SLC8A1: variants seen among roughly 807,000 people sequenced by gnomAD.
The protein encoded by SLC8A1 is solute carrier family 8 member A1.
In SLC8A1, 18 loss-of-function variants were observed where a neutral mutation model predicts 68.3. That is an observed-to-expected ratio of 0.26 (90% CI 0.18 to 0.39). The LOEUF (loss-of-function observed/expected upper bound fraction) is 0.39, where lower values mean the gene tolerates loss of function less well. Ranked by LOEUF, SLC8A1 falls within the 10% of genes least tolerant of loss-of-function variation. The pLI is 1.00. For synonymous variants in SLC8A1, 475 were observed against 415.5 expected (o/e 1.14, Z -1.74); for missense variants, 985 against 1,156.7 (o/e 0.85, Z 2.15).
intron 2 of SLC8A1, among the ~76,000 whole-genome samples, chr2:40,283,944 T>A (rs1269903503): frequency 2.0e-5 from 3 of 152,164 alleles, no homozygotes. Context: ...AGCAAAGCTG[T>A]ATTTTGGCAG....
At chr2:40,309,330 T>G (rs1032445863) in intron 2 of SLC8A1, among the ~76,000 whole-genome samples, 8 of 152,132 alleles carry the variant, frequency 5.3e-5, no homozygotes, top group Admixed American at 1.3e-4. Context: ...CATCATAGCT[T>G]CTTCCCTAGG....
At chr2:40,451,827 G>T (rs1320862181) in intron 1 of SLC8A1, 77 bp downstream of exon 1, 1 of 153,718 alleles carries the variant, frequency 6.5e-6, no homozygotes, top group Non-Finnish European at 1.4e-5. Context: ...GGGAAGTGTA[G>T]CCTTATGAGC....
At chr2:40,364,252 G>C (rs1453923926) in intron 2 of SLC8A1, among the ~76,000 whole-genome samples, 3 of 151,926 alleles carry the variant, frequency 2.0e-5, no homozygotes, top group Non-Finnish European at 4.4e-5. Flanking sequence ...TAACTGATGG[G>C]AATATAGAGA....
intron 2 of SLC8A1, among the ~76,000 whole-genome samples, chr2:40,289,591 C>T (rs1021676645): frequency 2.0e-5 from 3 of 152,154 alleles, no homozygotes; most frequent in African/African-American, 4.8e-5. Context: ...TGGCTCATGG[C>T]TGTAATCCCA....
intron 1 of SLC8A1, among the ~76,000 whole-genome samples, chr2:40,444,928 G>T (rs188369134): frequency 1.3e-5 from 2 of 152,048 alleles, no homozygotes; most frequent in South Asian, 4.1e-4. Flanking sequence ...GCCATTTTGC[G>T]TGTACTTATC....
chr2:40,399,286 G>T (rs1177197251), intron 2 of SLC8A1, among the ~76,000 whole-genome samples: 1 of 151,506 alleles, frequency 6.6e-6, no homozygotes, highest in Non-Finnish European at 1.5e-5. Flanking sequence ...CACTGACACT[G>T]TTTTGTGAGG....
At chr2:40,201,725 T>G (rs1457531199) in intron 2 of SLC8A1, among the ~76,000 whole-genome samples, 2 of 151,966 alleles carry the variant, frequency 1.3e-5, no homozygotes, top group Non-Finnish European at 2.9e-5. Flanking sequence ...ACCTTACCAG[T>G]AGAGTACCCT....
chr2:40,312,269 C>G (rs2073818963), intron 2 of SLC8A1, among the ~76,000 whole-genome samples: 1 of 152,040 alleles, frequency 6.6e-6, no homozygotes, highest in African/African-American at 2.4e-5. Context: ...TTTGTTTATT[C>G]ATGAAGTTGA....
intron 6 of SLC8A1, among the ~76,000 whole-genome samples, chr2:40,156,829 G>A (rs1232014358): frequency 6.6e-6 from 1 of 152,120 alleles, no homozygotes; most frequent in Admixed American, 6.6e-5. Context: ...ATTTGTATGT[G>A]TGTGTCTGTG....
intron 6 of SLC8A1, among the ~76,000 whole-genome samples, chr2:40,156,399 T>C (rs1403458137): frequency 3.3e-5 from 5 of 150,562 alleles, no homozygotes; most frequent in Non-Finnish European, 7.4e-5. Context: ...ATTCTTTCGT[T>C]ATAAAGATGC....
At chr2:40,112,787 G>A (rs1393190604) in exon 8 of SLC8A1, 3 of 152,344 alleles carry the variant, frequency 2.0e-5, no homozygotes, top group South Asian at 2.1e-4. Context: ...TCAGTGATCT[G>A]GATCACCAAC....
At chr2:40,215,643 C>CAAAAAAAAAAAAAAAAAA (rs56191722) in intron 2 of SLC8A1, among the ~76,000 whole-genome samples, 4 of 69,924 alleles carry the variant, frequency 5.7e-5, no homozygotes, top group African/African-American at 2.3e-4. Flanking sequence ...GACTCCGTCT[C>CAAAAAAAAAAAAAAAAAA]AAAAAAAAAA....
chr2:40,382,365 A>T (rs1478142864), intron 2 of SLC8A1, among the ~76,000 whole-genome samples: 1 of 149,588 alleles, frequency 6.7e-6, no homozygotes, highest in East Asian at 2.0e-4. Context: ...GTACATCCAG[A>T]TGGTAGAACT....
intron 1 of SLC8A1, among the ~76,000 whole-genome samples, chr2:40,505,876 A>G (rs1446972320): frequency 1.3e-5 from 2 of 152,000 alleles, no homozygotes; most frequent in Non-Finnish European, 2.9e-5. Flanking sequence ...TCCATGTCAA[A>G]TTAATTCCCT....
chr2:40,175,203 C>T lies in SLC8A1; in HGVS notation c.1913-361G>A, dbSNP rs865777084. The T allele has an allele frequency of 4.8e-5, 74 of 1,550,568 alleles. No individual in the cohort carries two copies. The Middle Eastern group carries it at 7.8e-3, about 163-fold the overall frequency. ...GTCACAGAGCTACTGTATCACCTGA[C>T]GGAAATGGAAAATAATCTAGAAAAA... is the stretch of plus-strand genomic sequence containing the variant. On this transcript the variant is annotated intron_variant, in intron 3 of 7. Transcript: ENST00000406785.
rs74259859 is a variant in SLC8A1 at position 40,227,745 on chromosome 2, T to C, written c.1809-49890A>G. ...TAATAAATCTCCTTGATGAGGTTCT[T>C]TGGAATTAGGGGTTCTGCCTTTTTG... is the stretch of plus-strand genomic sequence containing the variant. On this transcript the variant is annotated intron_variant, in intron 2 of 7. Coordinates refer to ENST00000406785, the Ensembl canonical transcript of SLC8A1. Among the ~76,000 whole-genome samples, 16 of 152,180 alleles carry C rather than the reference T, an allele frequency of 1.1e-4. No individual in the cohort carries two copies. The South Asian group carries it at 3.3e-3, about 32-fold the overall frequency.
intron 2 of SLC8A1, among the ~76,000 whole-genome samples, chr2:40,235,013 T>A (rs962424711): frequency 6.6e-6 from 1 of 152,216 alleles, no homozygotes; most frequent in African/African-American, 2.4e-5. Context: ...AGTATTTTAT[T>A]GAGGATTTTT....
intron 2 of SLC8A1, among the ~76,000 whole-genome samples, chr2:40,296,041 C>T (rs1230419356): frequency 6.6e-6 from 1 of 152,108 alleles, no homozygotes; most frequent in Non-Finnish European, 1.5e-5. Context: ...GTCTATAGAG[C>T]TTGTTATTGC....
At chr2:40,378,328 G>A (rs1244122236) in intron 2 of SLC8A1, among the ~76,000 whole-genome samples, 2 of 152,092 alleles carry the variant, frequency 1.3e-5, no homozygotes, top group African/African-American at 2.4e-5. Context: ...AGTTAAGCAG[G>A]TATGTGGAAG....
Sources: gnomAD v4.1 joint callset for allele counts (sites outside exome capture counted in the v4.1 genomes callset) on GRCh38, gnomAD v4.1.1 for gene constraint, MANE v1.5 for transcripts, NCBI Gene and HGNC (gene_info 2026-07-23, HGNC 2026-07-21) for gene names.